The following ZFHX3 variants were observed in gnomAD, a reference collection of about 807,000 sequenced individuals.
The protein encoded by ZFHX3 is zinc finger homeobox 3.
A neutral mutation model predicts 279.1 loss-of-function variants in ZFHX3; 42 were observed. The observed-to-expected ratio is 0.15, with a 90% CI of 0.12 to 0.19. ZFHX3 has a LOEUF of 0.19. Ranked by LOEUF, ZFHX3 falls within the 10% of genes least tolerant of loss-of-function variation. The pLI, the probability that ZFHX3 is intolerant of heterozygous loss-of-function variation, is 1.00. For missense variants in ZFHX3, 4,981 were observed against 4,754.0 expected (o/e 1.05, Z -1.40); for synonymous variants, 2,293 against 1,957.8 (o/e 1.17, Z -4.52).
At chr16:73,494,416 T>G (rs2019103242) in intron 2 of ZFHX3, among the ~76,000 whole-genome samples, 1 of 152,160 alleles carries the variant, frequency 6.6e-6, no homozygotes, top group Admixed American at 6.5e-5. Flanking sequence ...ATTTTCTAGG[T>G]TGAATCAATT....
chr16:73,290,644 C>T (rs2014746039), intron 4 of ZFHX3, among the ~76,000 whole-genome samples: 2 of 152,206 alleles, frequency 1.3e-5, no homozygotes, highest in African/African-American at 4.8e-5. Flanking sequence ...AGATGGGTTT[C>T]TTCTACTATG....
chr16:72,922,325 C>A (rs2039605477), intron 3 of ZFHX3, among the ~76,000 whole-genome samples: 3 of 152,316 alleles, frequency 2.0e-5, no homozygotes, highest in Middle Eastern at 6.8e-3. Flanking sequence ...TCCTAACCAT[C>A]CCCGCATTAG....
At chr16:73,521,628 C>T (rs554134875) in intron 2 of ZFHX3, among the ~76,000 whole-genome samples, 36 of 150,940 alleles carry the variant, frequency 2.4e-4, no homozygotes, top group African/African-American at 8.0e-4. Flanking sequence ...ATGTAGTGAA[C>T]GTAGAAAGGG....
At chr16:72,957,331 G>C (rs1056058257) in intron 2 of ZFHX3, 96 bp downstream of exon 2, 2 of 1,422,346 alleles carry the variant, frequency 1.4e-6, no homozygotes, top group Middle Eastern at 1.9e-4. Flanking sequence ...GAGAAGACCA[G>C]AGTCAACTGA....
At chr16:72,816,374 G>C (rs1232822761) in intron 5 of ZFHX3, among the ~76,000 whole-genome samples, 2 of 152,152 alleles carry the variant, frequency 1.3e-5, no homozygotes, top group African/African-American at 4.8e-5. Context: ...TTTCAAAGGG[G>C]ATAAAAATGT....
At chr16:73,300,603 A>G (rs1254343230) in intron 4 of ZFHX3, among the ~76,000 whole-genome samples, 17 of 152,120 alleles carry the variant, frequency 1.1e-4, no homozygotes, top group Admixed American at 1.1e-3. Context: ...CCCCAGGTTC[A>G]GGTGATGCTC....
chr16:72,896,713 A>G (rs2038910155), intron 3 of ZFHX3, among the ~76,000 whole-genome samples: 1 of 152,152 alleles, frequency 6.6e-6, no homozygotes. Flanking sequence ...GAGAACATTG[A>G]TTTCTATAAA....
intron 3 of ZFHX3, among the ~76,000 whole-genome samples, chr16:73,443,604 T>A (rs1452053608): frequency 6.6e-6 from 1 of 152,194 alleles, no homozygotes; most frequent in African/African-American, 2.4e-5. Flanking sequence ...CCTTATGACT[T>A]TGGTGCATTC....
intron 5 of ZFHX3, among the ~76,000 whole-genome samples, chr16:73,185,602 T>A (rs1967892203): frequency 6.6e-6 from 1 of 152,172 alleles, no homozygotes; most frequent in Non-Finnish European, 1.5e-5. Context: ...GGGCTGTCAG[T>A]TTTAGCACAT....
intron 1 of ZFHX3, among the ~76,000 whole-genome samples, chr16:73,028,118 C>A (rs1010855937): frequency 1.3e-5 from 2 of 152,068 alleles, no homozygotes; most frequent in Non-Finnish European, 1.5e-5. Flanking sequence ...CGGGACCCTG[C>A]GGCTTCTCCT....
intron 7 of ZFHX3, among the ~76,000 whole-genome samples, chr16:73,095,486 C>T (rs993230296): frequency 1.8e-4 from 27 of 152,316 alleles, no homozygotes; most frequent in African/African-American, 5.1e-4. Flanking sequence ...ATTAACCTTT[C>T]GACAACTGGC....
At chr16:72,960,228 G>A in intron 1 of ZFHX3, 34 bp from the exon 2 acceptor site, 1 of 1,462,272 alleles carries the variant, frequency 6.8e-7, no homozygotes, top group Non-Finnish European at 9.1e-7. Context: ...AGGAGGGAGA[G>A]AGGGGAAAGA....
At chr16:73,442,966 G>T (rs748433506) in intron 3 of ZFHX3, among the ~76,000 whole-genome samples, 51 of 152,114 alleles carry the variant, frequency 3.4e-4, no homozygotes, top group Non-Finnish European at 1.3e-4. Flanking sequence ...TGCCCAAGCT[G>T]TCCAATTTCC....
chr16:73,048,095 T>TGCC lies in ZFHX3; in HGVS notation c.-396_-394dup, dbSNP rs1965366930. 1 of 152,338 alleles carries TGCC rather than the reference T, an allele frequency of 6.6e-6. No individual in the cohort carries two copies. The highest frequency in any genetic ancestry group is 1.5e-5 in the Non-Finnish European group (1 of 68,240). 9.4% of individuals were successfully genotyped at this position (152,338 alleles called of 1,614,324 possible). A position where few individuals can be genotyped will look rare whatever the true frequency, so the allele number is the denominator to read the frequency against. On this transcript the variant is annotated 5_prime_UTR_variant, in exon 1 of 10. Coordinates refer to ENST00000268489, the MANE Select transcript of ZFHX3 (RefSeq NM_006885.4). Reference sequence around the variant, plus strand: ...TGCCCGCCGCCGCCGCCTCCTCCTCTGCCGCCGCCCGCCCGGAATCGCTTT... The same window carrying TGCC: ...TGCCCGCCGCCGCCGCCTCCTCCTCTGCCGCCGCCGCCCGCCCGGAATCGCTTT...
chr16:73,312,009 C>T (rs1482698984), intron 4 of ZFHX3, among the ~76,000 whole-genome samples: 1 of 152,146 alleles, frequency 6.6e-6, no homozygotes, highest in Non-Finnish European at 1.5e-5. Context: ...ACGCATGCAG[C>T]AGTCCTCTGT....
At chr16:72,941,372 A>C (rs1001527583) in intron 3 of ZFHX3, among the ~76,000 whole-genome samples, 1 of 152,240 alleles carries the variant, frequency 6.6e-6, no homozygotes, top group Non-Finnish European at 1.5e-5. Flanking sequence ...CGGGTTTCAC[A>C]AACAAGGAAG....
At chr16:73,208,253 A>G (rs1375898379) in intron 5 of ZFHX3, among the ~76,000 whole-genome samples, 1 of 152,246 alleles carries the variant, frequency 6.6e-6, no homozygotes, top group Non-Finnish European at 1.5e-5. Context: ...TTACATCCAT[A>G]TGATAAAATA....
intron 1 of ZFHX3, among the ~76,000 whole-genome samples, chr16:73,846,373 T>TA (rs1961448756): frequency 6.6e-6 from 1 of 152,182 alleles, no homozygotes. Context: ...ATGAGCCAAT[T>TA]AAAGATCTCA....
intron 4 of ZFHX3, among the ~76,000 whole-genome samples, chr16:72,832,623 G>C (rs1033779122): frequency 6.6e-6 from 1 of 152,152 alleles, no homozygotes; most frequent in Non-Finnish European, 1.5e-5. Context: ...TCCTGGATAA[G>C]CCAGCTCCCT....
Sources: gnomAD v4.1 joint callset for allele counts (sites outside exome capture counted in the v4.1 genomes callset) on GRCh38, gnomAD v4.1.1 for gene constraint, MANE v1.5 for transcripts, NCBI Gene and HGNC (gene_info 2026-07-23, HGNC 2026-07-21) for gene names.